The following TACC2 variants were observed in gnomAD, a reference collection of about 807,000 sequenced individuals.
The protein encoded by TACC2 is transforming acidic coiled-coil containing protein 2, also known as transforming acidic coiled-coil-containing protein 2.
Under a neutral mutation model 227.3 loss-of-function variants are expected in TACC2, and 137 were observed. The observed-to-expected ratio is 0.60, with a 90% CI of 0.52 to 0.69. TACC2 has a LOEUF of 0.69. Among genes scored for constraint, TACC2 ranks in the 30% least tolerant of loss-of-function variants. The pLI is 0.00. For missense variants in TACC2, 3,470 were observed against 3,694.4 expected (o/e 0.94, Z 1.57); for synonymous variants, 1,523 against 1,487.5 (o/e 1.02, Z -0.55).
chr10:122,218,738 G>A (rs1190274796), intron 11 of TACC2, among the ~76,000 whole-genome samples: 1 of 152,040 alleles, frequency 6.6e-6, no homozygotes, highest in Admixed American at 6.5e-5. Flanking sequence ...TCTTGGCCAG[G>A]CACAGTGGCA....
chr10:122,155,416 C>T (rs1047171585), intron 7 of TACC2, among the ~76,000 whole-genome samples: 5 of 152,228 alleles, frequency 3.3e-5, no homozygotes, highest in Non-Finnish European at 5.9e-5. Context: ...AAAGCAAATG[C>T]GACATCAAAC....
intron 6 of TACC2, among the ~76,000 whole-genome samples, chr10:122,140,431 T>G (rs934952584): frequency 1.3e-5 from 2 of 152,240 alleles, no homozygotes; most frequent in African/African-American, 2.4e-5. Context: ...GAATTCAGCT[T>G]CTTCGTTATT....
rs545284236 is a variant in TACC2, at chr10:122,111,031, C to T, written c.5574-21578C>T. On this transcript the variant is annotated intron_variant, in intron 5 of 22. Coordinates refer to ENST00000369005, the MANE Select transcript of TACC2 (RefSeq NM_206862.4). ...TCAAAGTCAGCATCTTCTAATCTCTCGCTCACTGTGCTTCCATAGCCACAT... is the reference window on the plus strand; with the variant it reads ...TCAAAGTCAGCATCTTCTAATCTCTTGCTCACTGTGCTTCCATAGCCACAT... Among the ~76,000 whole-genome samples, 86 of 152,304 alleles carry T rather than the reference C, an allele frequency of 5.6e-4. 1 individual carries two copies. Among genetic ancestry groups the T allele is most frequent in the African/African-American group, 1.9e-3 (79 of 41,564 alleles).
chr10:122,060,186 G>A (rs2076640879), intron 3 of TACC2, among the ~76,000 whole-genome samples: 1 of 152,230 alleles, frequency 6.6e-6, no homozygotes, highest in Non-Finnish European at 1.5e-5. Flanking sequence ...GAGGTGGGCA[G>A]GGGCCTGATC....
chr10:122,109,725 T>C (rs1197711974), intron 5 of TACC2, among the ~76,000 whole-genome samples: 1 of 152,244 alleles, frequency 6.6e-6, no homozygotes, highest in Non-Finnish European at 1.5e-5. Flanking sequence ...AGTGGGATTG[T>C]GGATAAAATG....
At position 122,087,703 on chromosome 10, in the gene TACC2, G is replaced by T. The variant is rs749238677; in HGVS notation, c.5203G>T (p.Val1735Phe). The T allele has an allele frequency of 3.7e-6, 6 of 1,612,876 alleles. No homozygotes were observed. The African/African-American group carries it at 6.7e-5, about 18-fold the overall frequency. Residue 1735 changes from valine (V) to phenylalanine (F), a missense_variant, in exon 4 of 23, where the codon GTT becomes TTT. Around this residue, in one of 10 missense-constraint regions of TACC2, gnomAD observed 1,924 missense variants for 1,978.3 expected, o/e 0.97. Transcript: ENST00000369005. ...PEAGTTRTFS[V>F]VAGDLVLPGS... ...AGCAGGTACTACGAGGACATTCTCC[G>T]TTGTGGCAGGTGACTTGGTGCTGCC...
intron 7 of TACC2, chr10:122,163,676 C>T (rs944075093): frequency 9.4e-7 from 1 of 1,061,422 alleles, no homozygotes; most frequent in Non-Finnish European, 1.1e-6. Context: ...CGCACGCCGG[C>T]CACACTCGGG....
intron 5 of TACC2, among the ~76,000 whole-genome samples, chr10:122,129,198 A>G (rs1360684422): frequency 2.0e-5 from 3 of 151,826 alleles, no homozygotes; most frequent in Non-Finnish European, 4.4e-5. Context: ...CTCCTGCCTC[A>G]GGTGCCCACT....
At chr10:122,129,195 C>T (rs1239951698) in intron 5 of TACC2, among the ~76,000 whole-genome samples, 1 of 151,856 alleles carries the variant, frequency 6.6e-6, no homozygotes. Context: ...ATTCTCCTGC[C>T]TCAGGTGCCC....
intron 7 of TACC2, among the ~76,000 whole-genome samples, chr10:122,182,680 G>C (rs907208876): frequency 3.3e-5 from 5 of 152,198 alleles, no homozygotes; most frequent in African/African-American, 4.8e-5. Flanking sequence ...GTCAAAACAC[G>C]TGAGCTTTAA....
At chr10:122,197,466 C>G (rs1207935998) in intron 8 of TACC2, among the ~76,000 whole-genome samples, 1 of 152,188 alleles carries the variant, frequency 6.6e-6, no homozygotes, top group African/African-American at 2.4e-5. Context: ...TTCCTTCTGC[C>G]TAACTTCCTT....
rs765463510 is a variant in TACC2, at chr10:122,083,740, G to A, written c.1240G>A (p.Glu414Lys). The A allele has an allele frequency of 5.0e-6, 8 of 1,614,024 alleles. No individual in the cohort carries two copies. The South Asian group carries it at 6.6e-5, about 13-fold the overall frequency. Residue 414 changes from glutamate (E) to lysine (K), a missense_variant, in exon 4 of 23, where the codon GAG (glutamate) becomes AAG (lysine). By Grantham distance (56) the Glu-to-Lys change is moderately conservative. Transcript: ENST00000369005. ...TGAACCTTCCCTGCTCACTCCGACT[G>A]AGGAAGCACATCCAGCTTCAAGCCT... is the stretch of plus-strand genomic sequence containing the variant. ...SPEPSLLTPTEEAHPASSLAS... is the reference protein window; with the variant it reads ...SPEPSLLTPTKEAHPASSLAS...
intron 2 of TACC2, among the ~76,000 whole-genome samples, chr10:122,032,515 A>G (rs1468644962): frequency 6.6e-6 from 1 of 152,294 alleles, no homozygotes; most frequent in East Asian, 1.9e-4. Context: ...CTGTGTCACT[A>G]GGGCAAAGGG....
chr10:122,122,384 G>T (rs1365662571), intron 5 of TACC2, among the ~76,000 whole-genome samples: 3 of 151,868 alleles, frequency 2.0e-5, no homozygotes, highest in East Asian at 1.9e-4. Flanking sequence ...TAAATAACTT[G>T]TCTGCCTTCT....
intron 14 of TACC2, 115 bp downstream of exon 14, chr10:122,228,123 C>T (rs2095663203): frequency 2.7e-6 from 3 of 1,104,224 alleles, no homozygotes; most frequent in Non-Finnish European, 3.9e-6. Context: ...TGCCATGGGT[C>T]CCACCCTGAC....
rs1317953704 is a variant in TACC2 at position 122,147,854 on chromosome 10, GC to G, written c.5834+4153del. Among the ~76,000 whole-genome samples the G allele has an allele frequency of 3.3e-5, 5 of 152,066 alleles. 1 individual carries two copies. Among genetic ancestry groups the G allele is most frequent in the African/African-American group, 1.2e-4 (5 of 41,394 alleles). On this transcript the variant is annotated intron_variant, in intron 7 of 22. Transcript: ENST00000369005. ...AGACAGGAGTGGTTTTAGGATTGAG[GC>G]CCCCATTTCCTGGGGCTCCCTGACA...
chr10:122,237,698 C>T (rs1426743751), intron 17 of TACC2, among the ~76,000 whole-genome samples, 160 bp downstream of exon 17: 2 of 152,216 alleles, frequency 1.3e-5, no homozygotes, highest in Non-Finnish European at 2.9e-5. Flanking sequence ...TAGACGCTAT[C>T]GTGTAATGGG....
At chr10:122,152,028 C>T (rs746175268) in intron 7 of TACC2, among the ~76,000 whole-genome samples, 1 of 152,194 alleles carries the variant, frequency 6.6e-6, no homozygotes, top group Non-Finnish European at 1.5e-5. Context: ...CCTCCCCTTA[C>T]TGCCCAAGGC....
At chr10:122,130,058 C>T (rs576379556) in intron 5 of TACC2, among the ~76,000 whole-genome samples, 39 of 152,300 alleles carry the variant, frequency 2.6e-4, no homozygotes, top group Admixed American at 2.3e-3. Flanking sequence ...AGTGCAGTGG[C>T]GCAATCTCAG....
Sources: allele counts gnomAD v4.1 joint callset (sites outside exome capture counted in the v4.1 genomes callset), GRCh38; gene constraint gnomAD v4.1.1; regional missense constraint gnomAD v4.1.1; transcripts MANE v1.5; gene names NCBI Gene and HGNC (gene_info 2026-07-23, HGNC 2026-07-21).